Variants in EFR3B observed in about 807,000 individuals in gnomAD.
The protein encoded by EFR3B is EFR3 homolog B.
EFR3B carries 64 observed loss-of-function variants against 104.7 expected under a neutral mutation model. The ratio of observed to expected loss-of-function variants is 0.61; its 90% confidence interval spans 0.50 to 0.75. The LOEUF is 0.75. Among genes scored for constraint, EFR3B ranks in the 30% least tolerant of loss-of-function variants. The probability of loss-of-function intolerance (pLI) is 0.00; values close to 1 mark genes in which losing one functional copy is unlikely to be tolerated. For missense variants in EFR3B, 750 were observed against 1,078.5 expected, an observed-to-expected ratio of 0.70 and a Z score of 4.27; for synonymous variants, 385 against 417.9, an observed-to-expected ratio of 0.92 and a Z score of 0.96.
In EFR3B at chr2:25,143,756, G is replaced by A. The variant is rs983594382; in HGVS notation, c.1944G>A (p.Gly648=). 7.7e-6 allele frequency: 12 copies of A among 1,551,450 alleles called. No individual in the cohort carries two copies. The East Asian group carries it at 2.7e-4, about 35-fold the overall frequency. Residue 648 remains glycine (G), a synonymous_variant, in exon 18 of 23, where the codon GGG becomes GGA. Coordinates refer to ENST00000403714, the MANE Select transcript of EFR3B (RefSeq NM_014971.2). Reference sequence around the variant, plus strand: ...CCAGGCTGTCTCAGAATCTTGATGGGGTGGTCATTGAGCTCCTCTTCCGCC... The same window carrying A: ...CCAGGCTGTCTCAGAATCTTGATGGAGTGGTCATTGAGCTCCTCTTCCGCC... ...ERPRLSQNLD[G]VVIELLFRQS...
intron 3 of EFR3B, among the ~76,000 whole-genome samples, chr2:25,094,868 C>T (rs551788863): frequency 1.3e-5 from 2 of 152,252 alleles, no homozygotes; most frequent in East Asian, 3.9e-4. Context: ...TGGCTCACTG[C>T]AGCCTCAGCC....
chr2:25,086,242 G>A (rs1312020717), intron 1 of EFR3B, among the ~76,000 whole-genome samples: 1 of 152,222 alleles, frequency 6.6e-6, no homozygotes, highest in Non-Finnish European at 1.5e-5. Context: ...GCAGGTTTTT[G>A]TGTAGACATA....
intron 12 of EFR3B, among the ~76,000 whole-genome samples, chr2:25,134,832 C>T (rs1300423148): frequency 2.6e-5 from 4 of 152,196 alleles, no homozygotes; most frequent in Non-Finnish European, 5.9e-5. Context: ...CCTTAGGGAC[C>T]TTCTGAATCA....
At position 25,137,427 on chromosome 2, in the gene EFR3B, G is replaced by T. The variant is rs544496301; in HGVS notation, c.1647G>T (p.Leu549Phe). ...AACACTACGAGGCGCTCTATGGCTT[G>T]CTGGCCCTCATCAGCATCGAGCTGG... The part of the protein sequence containing the change: ...VQKHYEALYG[L>F]LALISIELAN... The change falls in exon 15 of 23, where the codon TTG becomes TTT. Residue 549 changes from leucine to phenylalanine, a missense_variant. By Grantham distance (22) the Leu-to-Phe change is conservative. Transcript: ENST00000403714. This position sits in a 1 kb window ranked among gnomAD's most constrained non-coding sequence, Gnocchi z 4.7. The T allele has an allele frequency of 1.1e-4, 167 of 1,551,816 alleles. 1 individual carries two copies. The highest frequency in any genetic ancestry group is 8.7e-6 in the Non-Finnish European group (10 of 1,147,024).
chr2:25,157,943 A>G lies in EFR3B; in HGVS notation c.*3603A>G, dbSNP rs896958865. Reference sequence around the variant, plus strand: ...CCCCCTTTCCCATACACAGATATCAATGGATGAGCAGGAAAAGAGGAGGCC... The same window carrying G: ...CCCCCTTTCCCATACACAGATATCAGTGGATGAGCAGGAAAAGAGGAGGCC... On this transcript the variant is annotated 3_prime_UTR_variant, in exon 23 of 23. Coordinates refer to ENST00000403714, the MANE Select transcript of EFR3B (RefSeq NM_014971.2). 1.3e-5 allele frequency: 2 copies of G among 152,396 alleles called. No homozygotes were observed. Among genetic ancestry groups the G allele is most frequent in the Admixed American group, 6.5e-5 (1 of 15,284 alleles). 9.4% of individuals were successfully genotyped at this position (152,396 alleles called of 1,614,324 possible).
chr2:25,074,068 G>T (rs951860569), intron 1 of EFR3B, among the ~76,000 whole-genome samples: 143 of 152,162 alleles, frequency 9.4e-4, no homozygotes, highest in African/African-American at 3.1e-3. Context: ...TTGGCACAGT[G>T]GGGGGGACTC....
rs1558625237 is a variant in EFR3B at position 25,156,959 on chromosome 2, A to G, written c.*2619A>G. On this transcript the variant is annotated 3_prime_UTR_variant, in exon 23 of 23. Coordinates refer to ENST00000403714, the MANE Select transcript of EFR3B (RefSeq NM_014971.2). ...TCCCCGTGGCAGCTTCATCCTGAGC[A>G]CTGCCTGTGAGCCCTGGTTCTGGGA... is the stretch of plus-strand genomic sequence containing the variant. 6.6e-6 allele frequency: 1 copy of G among 152,122 alleles called. No individual in the cohort carries two copies. The highest frequency in any genetic ancestry group is 1.5e-5 in the Non-Finnish European group (1 of 68,030). 9.4% of individuals were successfully genotyped at this position (152,122 alleles called of 1,614,324 possible). A position where few individuals can be genotyped will look rare whatever the true frequency, so the allele number is the denominator to read the frequency against.
chr2:25,088,128 C>T (rs766500214), intron 1 of EFR3B, among the ~76,000 whole-genome samples: 6 of 151,432 alleles, frequency 4.0e-5, no homozygotes, highest in South Asian at 2.1e-4. Flanking sequence ...CTTCCCCTAC[C>T]GCATGGCAGC....
intron 1 of EFR3B, among the ~76,000 whole-genome samples, chr2:25,075,656 A>G (rs933299357): frequency 1.3e-5 from 2 of 152,208 alleles, no homozygotes; most frequent in Non-Finnish European, 2.9e-5. Context: ...TACCAACAAT[A>G]TAAGGTATTT....
chr2:25,112,522 A>G (rs1425223527), intron 4 of EFR3B, among the ~76,000 whole-genome samples: 20 of 152,258 alleles, frequency 1.3e-4, no homozygotes. Context: ...TTGGCAGGAC[A>G]TGATCAAGTT....
At chr2:25,047,540 C>G (rs533559949) in intron 1 of EFR3B, among the ~76,000 whole-genome samples, 1 of 151,854 alleles carries the variant, frequency 6.6e-6, no homozygotes, top group Non-Finnish European at 1.5e-5. Context: ...ACTCTGTTGC[C>G]CAGGCTGGAG....
At chr2:25,148,468 C>T (rs1165076076) in intron 19 of EFR3B, among the ~76,000 whole-genome samples, 8 of 151,260 alleles carry the variant, frequency 5.3e-5, no homozygotes, top group East Asian at 4.0e-4. Context: ...TTGACCAGGC[C>T]GGTCTCGAAC....
Position 25,141,398 on chromosome 2 carries a change from C to T in EFR3B, c.1887C>T (p.Tyr629=), listed in dbSNP as rs1670662320. Residue 629 remains tyrosine (Y), a synonymous_variant, in exon 17 of 23, where the codon TAC becomes TAT. Coordinates refer to ENST00000403714, the MANE Select transcript of EFR3B (RefSeq NM_014971.2). The part of the protein sequence containing the change: ...VIETRKKEAP[Y]MLPEDVFVER... ...AGACCAGGAAGAAAGAGGCTCCATACATGCTCCCCGAGGATGTGTTTGTGG... is the reference window on the plus strand; with the variant it reads ...AGACCAGGAAGAAAGAGGCTCCATATATGCTCCCCGAGGATGTGTTTGTGG... 1.9e-6 allele frequency: 3 copies of T among 1,551,454 alleles called. No individual in the cohort carries two copies. The highest frequency in any genetic ancestry group is 2.0e-5 in the Admixed American group (1 of 50,978).
At chr2:25,072,952 G>A (rs529390472) in intron 1 of EFR3B, among the ~76,000 whole-genome samples, 1 of 151,782 alleles carries the variant, frequency 6.6e-6, no homozygotes, top group Non-Finnish European at 1.5e-5. Flanking sequence ...CCAGAAAATG[G>A]AAAAAGCTGT....
chr2:25,070,282 G>T (rs1449049495), intron 1 of EFR3B, among the ~76,000 whole-genome samples: 1 of 152,044 alleles, frequency 6.6e-6, no homozygotes, highest in African/African-American at 2.4e-5. Flanking sequence ...TTTACTTTGA[G>T]ACAGAGTCTT....
chr2:25,106,385 G>A (rs542449903), intron 4 of EFR3B, among the ~76,000 whole-genome samples: 172 of 152,104 alleles, frequency 1.1e-3, no homozygotes, highest in African/African-American at 4.1e-3. Context: ...CGCCTCCGAG[G>A]TTCAAGTGAT....
At chr2:25,103,558 C>T in intron 3 of EFR3B, 79 bp from the exon 4 acceptor site, 1 of 1,500,078 alleles carries the variant, frequency 6.7e-7, no homozygotes, top group South Asian at 1.3e-5. Context: ...CAGGTCACCA[C>T]ACTGACACCT....
intron 5 of EFR3B, among the ~76,000 whole-genome samples, chr2:25,126,518 C>A (rs1437935348): frequency 7.9e-5 from 12 of 152,096 alleles, no homozygotes; most frequent in Admixed American, 6.5e-5. Context: ...TGCTACCATG[C>A]CTGGCTAATT....
At chr2:25,080,201 T>G (rs1668753472) in intron 1 of EFR3B, 7 of 1,584,066 alleles carry the variant, frequency 4.4e-6, no homozygotes, top group Non-Finnish European at 6.0e-6. Flanking sequence ...TCTGAAGTGA[T>G]AAGCTTAAAT....
Sources: gnomAD v4.1 joint callset for allele counts (sites outside exome capture counted in the v4.1 genomes callset) on GRCh38, gnomAD v4.1.1 for gene constraint, Gnocchi (gnomAD v3.1) non-coding constraint, MANE v1.5 for transcripts, NCBI Gene and HGNC (gene_info 2026-07-23, HGNC 2026-07-21) for gene names.